ZP3: variants seen among roughly 807,000 people sequenced by gnomAD.
ZP3 encodes the protein zona pellucida glycoprotein 3.
A neutral mutation model predicts 35.6 loss-of-function variants in ZP3; 21 were observed. That is an observed-to-expected ratio of 0.59 (90% CI 0.42 to 0.85). The LOEUF is 0.85. Among genes scored for constraint, ZP3 ranks in the 40% least tolerant of loss-of-function variants. ZP3 has a pLI of 0.00. For synonymous variants in ZP3, 207 were observed against 214.5 expected (o/e 0.96, Z 0.31); for missense variants, 437 against 536.5 (o/e 0.81, Z 1.83).
intron 1 of ZP3, chr7:76,429,295 G>A: frequency 3.8e-6 from 2 of 532,572 alleles, no homozygotes. Context: ...TGTAGAGATG[G>A]GGTCTTGCTA....
chr7:76,408,106 G>A (rs1012541195), intron 1 of ZP3, among the ~76,000 whole-genome samples: 4 of 152,146 alleles, frequency 2.6e-5, no homozygotes, highest in African/African-American at 9.7e-5. Flanking sequence ...TAGAGAGGAT[G>A]GTTCTGTTTG....
In ZP3 at chr7:76,429,897, C is replaced by T. The variant is rs6949813; in HGVS notation, c.431+264C>T. Among the ~76,000 whole-genome samples, 263 of 152,270 alleles carry T rather than the reference C, an allele frequency of 1.7e-3. 1 individual carries two copies. Among genetic ancestry groups the T allele is most frequent in the African/African-American group, 5.8e-3 (241 of 41,564 alleles). On this transcript the variant is annotated intron_variant, in intron 2 of 7. Transcript: ENST00000394857. ...CCTGGTGGTGGTACTATGCCAGCCT[C>T]GGCCCTTAGGGTTCAGAAATGGCCT...
chr7:76,404,642 A>C (rs1469858592), intron 1 of ZP3: 8 of 671,510 alleles, frequency 1.2e-5, no homozygotes, highest in Middle Eastern at 8.4e-4. Context: ...AAAGTTTTTA[A>C]AAATGAGGCC....
In ZP3 at chr7:76,441,210, G is replaced by A. The variant is rs148192736; in HGVS notation, c.1060+599G>A. Among the ~76,000 whole-genome samples, 1,202 of 151,710 alleles carry A rather than the reference G, an allele frequency of 7.9e-3. 18 individuals carry two copies. Among genetic ancestry groups the A allele is most frequent in the African/African-American group, 0.028 (1,158 of 41,382 alleles). On this transcript the variant is annotated intron_variant, in intron 7 of 7. Transcript: ENST00000394857. ...TAATCTGGCCAGAACAGTGGGTTGT[G>A]CCTATAATCCTAGCACTTGGGGAGG...
chr7:76,417,867 A>C (rs1263522070), intron 1 of ZP3, among the ~76,000 whole-genome samples: 3 of 146,722 alleles, frequency 2.0e-5, no homozygotes, highest in African/African-American at 7.6e-5. Context: ...TCCCAGCTCC[A>C]CCTCCCAAAG....
At chr7:76,413,739 TC>T (rs576460682) in intron 1 of ZP3, among the ~76,000 whole-genome samples, 10 of 152,018 alleles carry the variant, frequency 6.6e-5, no homozygotes, top group African/African-American at 2.2e-4. Context: ...TGATCATAGC[TC>T]ATTGCAGTTG....
intron 5 of ZP3, among the ~76,000 whole-genome samples, chr7:76,437,661 ATTT>A (rs3972771): frequency 3.3e-4 from 43 of 129,726 alleles, no homozygotes; most frequent in Non-Finnish European, 4.5e-4. Flanking sequence ...TAATTTCTGT[ATTT>A]TTTTTTTTTT....
In ZP3 at chr7:76,407,597, G is replaced by A. The variant is rs545870760; in HGVS notation, c.-67+9800G>A. On this transcript the variant is annotated intron_variant, in intron 1 of 8. Transcript: ENST00000336517. ...ACTAAAAAACAATTAGCTGGGCATG[G>A]TGGTGCATGCCTGTAATCCCAGTGC... Among the ~76,000 whole-genome samples, 3 of 152,246 alleles carry A rather than the reference G, an allele frequency of 2.0e-5. No individual in the cohort carries two copies. The East Asian group carries it at 5.8e-4, about 29-fold the overall frequency.
intron 1 of ZP3, chr7:76,429,220 C>A: frequency 2.8e-6 from 1 of 357,264 alleles, no homozygotes; most frequent in Non-Finnish European, 5.4e-6. Context: ...GTAAAGATTC[C>A]GAGGTACAAA....
upstream of ZP3, among the ~76,000 whole-genome samples, chr7:76,421,379 C>T (rs1339322449): frequency 1.3e-5 from 2 of 151,888 alleles, no homozygotes; most frequent in African/African-American, 4.8e-5. Flanking sequence ...TACAGCTTCC[C>T]AAGTAGCTAG....
intron 1 of ZP3, among the ~76,000 whole-genome samples, chr7:76,405,369 AG>A (rs1274998998): frequency 2.0e-5 from 1 of 49,244 alleles, no homozygotes; most frequent in Admixed American, 2.4e-4. Context: ...TTTGGTAGAG[AG>A]GGTGTTTCAC....
intron 1 of ZP3, among the ~76,000 whole-genome samples, chr7:76,416,095 A>G (rs1805363447): frequency 6.6e-6 from 1 of 150,718 alleles, no homozygotes; most frequent in South Asian, 2.1e-4. Flanking sequence ...GCACCATTGC[A>G]CTCCAGCCTG....
In ZP3 at chr7:76,436,718, G is replaced by A. The variant is rs548507927; in HGVS notation, c.831+2563G>A. On this transcript the variant is annotated intron_variant, in intron 5 of 7. Coordinates refer to ENST00000394857, the MANE Select transcript of ZP3 (RefSeq NM_001110354.2). ...ATTTGGGAAAAGAGTCCTGGCCCTC[G>A]GATCAGTGACCGATAGCTCCTTAGG... is the stretch of plus-strand genomic sequence containing the variant. Among the ~76,000 whole-genome samples, 9 of 152,362 alleles carry A rather than the reference G, an allele frequency of 5.9e-5. No individual in the cohort carries two copies. In the East Asian group the frequency reaches 1.2e-3, roughly 20 times the overall value.
chr7:76,423,067 G>GAAAC (rs1393639040), upstream of ZP3, among the ~76,000 whole-genome samples: 817 of 143,488 alleles, frequency 5.7e-3, 31 homozygotes, highest in African/African-American at 0.019. Context: ...AAGAAAGAAA[G>GAAAC]AAAGAAAGAA....
chr7:76,404,753 G>A (rs1014380327), intron 1 of ZP3, among the ~76,000 whole-genome samples: 8 of 151,502 alleles, frequency 5.3e-5, no homozygotes, highest in African/African-American at 1.7e-4. Context: ...GTAACATGGC[G>A]AAAACCTGTC....
chr7:76,429,643 G>A lies in ZP3; in HGVS notation c.431+10G>A, dbSNP rs762069755. ...AGTGCCGCTACCCCAGGTCGGTGTG[G>A]GACTGACTCATGGCCCCTGGTGCAA... On this transcript the variant is annotated intron_variant, in intron 2 of 7. Coordinates refer to ENST00000394857, the MANE Select transcript of ZP3 (RefSeq NM_001110354.2). 1.2e-6 allele frequency: 2 copies of A among 1,610,702 alleles called. No homozygotes were observed. The highest frequency in any genetic ancestry group is 3.3e-5 in the Admixed American group (2 of 59,920).
At chr7:76,404,645 A>G (rs538559428) in intron 1 of ZP3, 2 of 664,466 alleles carry the variant, frequency 3.0e-6, no homozygotes, top group Admixed American at 2.9e-5. Flanking sequence ...GTTTTTAAAA[A>G]TGAGGCCGGG....
upstream of ZP3, among the ~76,000 whole-genome samples, chr7:76,421,655 C>T (rs1260471290): frequency 2.0e-5 from 3 of 150,416 alleles, no homozygotes; most frequent in Non-Finnish European, 4.4e-5. Flanking sequence ...AGTGCAGTGG[C>T]GCAATCTCGG....
upstream of ZP3, among the ~76,000 whole-genome samples, chr7:76,421,534 G>A (rs747042423): frequency 3.3e-5 from 5 of 151,888 alleles, no homozygotes; most frequent in Non-Finnish European, 5.9e-5. Flanking sequence ...GATTACAGAT[G>A]TGAGCCATTA....
Sources: gnomAD v4.1 joint callset for allele counts (sites outside exome capture counted in the v4.1 genomes callset) on GRCh38, gnomAD v4.1.1 for gene constraint, MANE v1.5 for transcripts, NCBI Gene and HGNC (gene_info 2026-07-23, HGNC 2026-07-21) for gene names.